The following PCDHA3 variants were observed in gnomAD, a reference collection of about 807,000 sequenced individuals.
The protein encoded by PCDHA3 is protocadherin alpha-3.
Under a neutral mutation model 62.2 loss-of-function variants are expected in PCDHA3, and 41 were observed. The observed-to-expected ratio is 0.66, with a 90% CI of 0.51 to 0.86. The LOEUF is 0.86. PCDHA3 is among the 40% of genes least tolerant of loss of function. PCDHA3 has a pLI of 0.00. For synonymous variants in PCDHA3, 640 were observed against 555.4 expected, an observed-to-expected ratio of 1.15 and a Z score of -2.14; for missense variants, 1,304 against 1,241.2, an observed-to-expected ratio of 1.05 and a Z score of -0.76.
chr5:140,939,787 C>G (rs1486449192), intron 1 of PCDHA3, among the ~76,000 whole-genome samples: 2 of 152,180 alleles, frequency 1.3e-5, no homozygotes, highest in African/African-American at 2.4e-5. Flanking sequence ...TGGTCAATTT[C>G]TATAAATGTT....
chr5:140,877,465 G>A, intron 1 of PCDHA3: 1 of 1,613,856 alleles, frequency 6.2e-7, no homozygotes, highest in Non-Finnish European at 8.5e-7. Context: ...CACGGCCACG[G>A]TGCTGGTGTC....
At chr5:140,805,490 G>T (rs1380481344) in intron 1 of PCDHA3, 19 of 992,542 alleles carry the variant, frequency 1.9e-5, no homozygotes, top group Non-Finnish European at 2.3e-5. Flanking sequence ...GGAGCGTAAA[G>T]CTATTTTCAC....
At chr5:140,989,413 T>G (rs1234033175) in intron 3 of PCDHA3, among the ~76,000 whole-genome samples, 3 of 152,172 alleles carry the variant, frequency 2.0e-5, no homozygotes, top group Non-Finnish European at 4.4e-5. Context: ...GAGTCTGCAC[T>G]TCACTCTGTG....
chr5:140,864,161 T>A (rs1267371347), intron 1 of PCDHA3: 3 of 152,188 alleles, frequency 2.0e-5, no homozygotes, highest in African/African-American at 7.2e-5. Context: ...AGTTAAATCT[T>A]ACCGGAAGGA....
chr5:140,918,051 A>G (rs782531005), intron 1 of PCDHA3, among the ~76,000 whole-genome samples: 2 of 151,984 alleles, frequency 1.3e-5, no homozygotes, highest in Non-Finnish European at 1.5e-5. Flanking sequence ...CATTTGTTTT[A>G]TCATCTCTGA....
Position 140,884,307 on chromosome 5 carries a change from C to T in PCDHA3, c.2394+80716C>T, listed in dbSNP as rs144612735. 3,633 of 1,613,724 alleles carry T rather than the reference C, an allele frequency of 2.3e-3. 15 individuals are homozygous for T. The highest frequency in any genetic ancestry group is 9.6e-3 in the Middle Eastern group (58 of 6,062). Reference sequence around the variant, plus strand: ...AGCGGCCAAGCGCCACAGGCTTCGTCGAGGGCGTCGGCAGGCGCTGTGGGT... The same window carrying T: ...AGCGGCCAAGCGCCACAGGCTTCGTTGAGGGCGTCGGCAGGCGCTGTGGGT... On this transcript the variant is annotated intron_variant, in intron 1 of 3. Transcript: ENST00000522353.
At chr5:140,978,740 A>G (rs2096821027) in intron 1 of PCDHA3, among the ~76,000 whole-genome samples, 1 of 152,254 alleles carries the variant, frequency 6.6e-6, no homozygotes, top group Non-Finnish European at 1.5e-5. Flanking sequence ...CTTCCAGGGT[A>G]TCTAATCTGT....
chr5:140,836,904 A>G (rs1774799044), intron 1 of PCDHA3: 1 of 589,848 alleles, frequency 1.7e-6, no homozygotes, highest in Non-Finnish European at 2.8e-6. Context: ...TACGTTTAAT[A>G]TACACTTTTG....
chr5:141,011,750 A>T lies in PCDHA3; in HGVS notation c.*1813A>T, dbSNP rs1554263628. The T allele has an allele frequency of 6.5e-6, 1 of 153,696 alleles. No individual in the cohort carries two copies. Among genetic ancestry groups the T allele is most frequent in the Non-Finnish European group, 1.5e-5 (1 of 68,036 alleles). 9.5% of individuals were successfully genotyped at this position (153,696 alleles called of 1,614,324 possible). A position where few individuals can be genotyped will look rare whatever the true frequency, so the allele number is the denominator to read the frequency against. On this transcript the variant is annotated 3_prime_UTR_variant, in exon 4 of 4. Transcript: ENST00000522353. ...TGCAAGCACAAATTTTACCAATCTG[A>T]CCTCTTTGAAGTTGCAGAATGCTTT... is the stretch of plus-strand genomic sequence containing the variant.
chr5:140,941,251 CTT>C (rs1177440606), intron 1 of PCDHA3, among the ~76,000 whole-genome samples: 1 of 121,786 alleles, frequency 8.2e-6, no homozygotes, highest in African/African-American at 3.1e-5. Flanking sequence ...TTCTTTCTTT[CTT>C]TCTCTTTCTT....
intron 1 of PCDHA3, among the ~76,000 whole-genome samples, chr5:140,893,276 G>A (rs1554185570): frequency 6.6e-6 from 1 of 152,164 alleles, no homozygotes; most frequent in African/African-American, 2.4e-5. Context: ...TAGTGGAATT[G>A]CTGGATGATA....
intron 3 of PCDHA3, among the ~76,000 whole-genome samples, chr5:140,983,431 G>T (rs947907651): frequency 5.3e-5 from 8 of 152,198 alleles, no homozygotes; most frequent in African/African-American, 1.9e-4. Flanking sequence ...ACCACAAATT[G>T]TGTCTACTCT....
intron 1 of PCDHA3, among the ~76,000 whole-genome samples, chr5:140,872,145 G>A (rs2053502547): frequency 6.6e-6 from 1 of 151,676 alleles, no homozygotes; most frequent in Non-Finnish European, 1.5e-5. Context: ...TACTCCATTA[G>A]TATGACATGA....
chr5:140,841,767 A>T, intron 1 of PCDHA3: 1 of 1,613,616 alleles, frequency 6.2e-7, no homozygotes, highest in Non-Finnish European at 8.5e-7. Context: ...AGAATGCCAG[A>T]CTCTCGGTTT....
intron 1 of PCDHA3, chr5:140,843,774 A>G: frequency 6.9e-7 from 1 of 1,457,980 alleles, no homozygotes; most frequent in Non-Finnish European, 9.4e-7. Flanking sequence ...TAGTTACTTT[A>G]AAAGTGTTTC....
chr5:140,887,885 A>G (rs1281444456), intron 1 of PCDHA3, among the ~76,000 whole-genome samples: 1 of 152,144 alleles, frequency 6.6e-6, no homozygotes, highest in Non-Finnish European at 1.5e-5. Context: ...TTGTAGTATC[A>G]TATCTGTTAA....
chr5:140,884,682 A>C, intron 1 of PCDHA3: 5 of 1,546,956 alleles, frequency 3.2e-6, no homozygotes, highest in Non-Finnish European at 4.4e-6. Flanking sequence ...TATTTTAAAA[A>C]ATTGTCTTAG....
At chr5:140,908,578 G>C (rs2074039304) in intron 1 of PCDHA3, among the ~76,000 whole-genome samples, 1 of 152,196 alleles carries the variant, frequency 6.6e-6, no homozygotes, top group South Asian at 2.1e-4. Flanking sequence ...CAAAAGGAGA[G>C]TAGTTAGCTG....
At chr5:140,857,293 G>A (rs1554149807) in intron 1 of PCDHA3, 1 of 1,598,774 alleles carries the variant, frequency 6.3e-7, no homozygotes, top group Admixed American at 1.7e-5. Flanking sequence ...TGGACCGCGA[G>A]AGGGTGTCGG....
Sources: allele counts gnomAD v4.1 joint callset (sites outside exome capture counted in the v4.1 genomes callset), GRCh38; gene constraint gnomAD v4.1.1; transcripts MANE v1.5; gene names NCBI Gene and HGNC (gene_info 2026-07-23, HGNC 2026-07-21).